RRBP1: variants seen among roughly 807,000 people sequenced by gnomAD.
The protein encoded by RRBP1 is ribosome-binding protein 1.
Under a neutral mutation model 165.2 loss-of-function variants are expected in RRBP1, and 94 were observed. The ratio of observed to expected loss-of-function variants is 0.57; its 90% CI spans 0.48 to 0.68. RRBP1 has a LOEUF of 0.68. Ranked by LOEUF, RRBP1 falls within the 30% of genes least tolerant of loss-of-function variation. The pLI is 0.00. For synonymous variants in RRBP1, 680 were observed against 714.5 expected (o/e 0.95, Z 0.77); for missense variants, 1,676 against 1,763.0 (o/e 0.95, Z 0.88).
At chr20:17,674,229 C>T (rs1436795967) in intron 2 of RRBP1, among the ~76,000 whole-genome samples, 1 of 152,130 alleles carries the variant, frequency 6.6e-6, no homozygotes, top group Non-Finnish European at 1.5e-5. Flanking sequence ...CTCTTCTTCA[C>T]CTAAAATCAA....
chr20:17,657,851 A>G (rs368262155), intron 3 of RRBP1, among the ~76,000 whole-genome samples: 37 of 152,340 alleles, frequency 2.4e-4, no homozygotes, highest in African/African-American at 8.9e-4. Flanking sequence ...AGAAGGCAGA[A>G]GAGGAAAGAA....
intron 2 of RRBP1, 128 bp from the exon 3 acceptor site, chr20:17,660,656 C>T: frequency 1.6e-6 from 1 of 634,862 alleles, no homozygotes; most frequent in Non-Finnish European, 2.7e-6. Context: ...AGAGAAGAAA[C>T]AAACCCAGGC....
intron 7 of RRBP1, 68 bp downstream of exon 7, chr20:17,635,478 C>A: frequency 2.5e-6 from 3 of 1,204,976 alleles, no homozygotes; most frequent in Non-Finnish European, 3.5e-6. Flanking sequence ...GCCCTGGCCG[C>A]AGCCTCGTGA....
At chr20:17,614,932 AC>A in intron 23 of RRBP1, 52 bp from the exon 24 acceptor site, 10 of 1,596,414 alleles carry the variant, frequency 6.3e-6, no homozygotes, top group Non-Finnish European at 8.5e-6. Flanking sequence ...CAGGAGGGCC[AC>A]CCCAGCTATG....
At chr20:17,615,367 C>T in intron 23 of RRBP1, 64 bp downstream of exon 23, 5 of 1,360,658 alleles carry the variant, frequency 3.7e-6, no homozygotes, top group Non-Finnish European at 4.0e-6. Flanking sequence ...TTTCCGAGGC[C>T]AAGAGTGGCG....
chr20:17,630,328 G>A (rs1000549038), intron 8 of RRBP1, among the ~76,000 whole-genome samples: 1 of 152,192 alleles, frequency 6.6e-6, no homozygotes, highest in Admixed American at 6.5e-5. Context: ...TCCCAGGGGC[G>A]GACAGCTTGG....
Position 17,641,734 on chromosome 20 carries a change from TGGGGCGGGGGTCCTCTGAGGAC to T in RRBP1, c.2184+41_2184+62del, listed in dbSNP as rs1197907255. ...CTCGGAGCCCGGGATCCACCGTGGA[TGGGGCGGGGGTCCTCTGAGGAC>T]GGGAGAGGACAAACCATCTCCGAGC... On this transcript the variant is annotated intron_variant, in intron 5 of 24. Transcript: ENST00000377813. 2.5e-6 allele frequency: 4 copies of T among 1,592,302 alleles called. No homozygotes were observed. In the South Asian group the frequency reaches 4.4e-5, roughly 18 times the overall value.
intron 3 of RRBP1, among the ~76,000 whole-genome samples, chr20:17,655,795 T>G (rs1361284478): frequency 6.6e-6 from 1 of 152,244 alleles, no homozygotes; most frequent in Non-Finnish European, 1.5e-5. Flanking sequence ...ACATTATATA[T>G]TTATATTAAC....
Position 17,619,669 on chromosome 20 carries a change from G to C in RRBP1, c.3639C>G (p.Ser1213Arg). 1 of 1,612,784 alleles carries C rather than the reference G, an allele frequency of 6.2e-7. No individual in the cohort carries two copies. Among genetic ancestry groups the C allele is most frequent in the Non-Finnish European group, 8.5e-7 (1 of 1,179,778 alleles). The change falls in exon 19 of 25, where the codon AGC (serine) becomes AGG (arginine). Residue 1213 changes from serine to arginine, a missense_variant. Physicochemically the swap from Ser to Arg is moderately radical, Grantham distance 110. Transcript: ENST00000377813. ...AELEKHMAAA[S>R]AECQNYAKEV... The stretch of plus-strand genomic sequence containing the variant: ...CCTTGGCGTAGTTCTGGCACTCGGC[G>C]CTGGCGGCCGCCATGTGCTTTTCCA...
At chr20:17,667,342 T>G (rs1296753900) in intron 2 of RRBP1, among the ~76,000 whole-genome samples, 1 of 152,262 alleles carries the variant, frequency 6.6e-6, no homozygotes, top group Non-Finnish European at 1.5e-5. Flanking sequence ...TAGGACCAGC[T>G]GCTGGCTTTC....
At position 17,621,529 on chromosome 20, in the gene RRBP1, T is replaced by A. The variant is rs1568754633; in HGVS notation, c.3343A>T (p.Arg1115Trp). The stretch of plus-strand genomic sequence containing the variant: ...GTGCTCTGCGTCTCCTCGGCCTCCC[T>A]CAACTTGGAGGCCAGGTCCTGAGAG... ...EPSSDLASKL[R>W]EAEETQSTLQ... The change falls in exon 16 of 25, where the codon AGG (arginine) becomes TGG (tryptophan). Residue 1115 changes from arginine (R) to tryptophan (W), a missense_variant. Arg to Trp is a moderately radical substitution (Grantham distance 101, BLOSUM62 -3). This residue lies in a region of RRBP1 where 1,184 missense variants were observed against 1,167.1 expected (regional missense o/e 1.01). Coordinates refer to ENST00000377813, the MANE Select transcript of RRBP1 (RefSeq NM_001365613.2). 6.2e-7 allele frequency: 1 copy of A among 1,612,542 alleles called. No homozygotes were observed. The highest frequency in any genetic ancestry group is 8.5e-7 in the Non-Finnish European group (1 of 1,179,584).
chr20:17,627,542 G>C lies in RRBP1; in HGVS notation c.2890C>G (p.Leu964Val). 1 of 1,612,976 alleles carries C rather than the reference G, an allele frequency of 6.2e-7. No homozygotes were observed. Among genetic ancestry groups the C allele is most frequent in the Non-Finnish European group, 8.5e-7 (1 of 1,179,616 alleles). ...GCATCCCGCGCCTGGCCCGCCTCCA[G>C]CAGGGCCTCAATGGAACGGATTCTC... ...TERIRSIEAL[L>V]EAGQARDAQD... is the part of the protein sequence containing the mutation. The change falls in exon 10 of 25, where the codon CTG (leucine) becomes GTG (valine). Residue 964 changes from leucine to valine, a missense_variant. Coordinates refer to ENST00000377813, the MANE Select transcript of RRBP1 (RefSeq NM_001365613.2).
intron 12 of RRBP1, among the ~76,000 whole-genome samples, chr20:17,625,158 G>T (rs1306895357): frequency 6.6e-6 from 1 of 152,178 alleles, no homozygotes; most frequent in African/African-American, 2.4e-5. Flanking sequence ...AGGACAGCAG[G>T]CATGCCACCT....
At chr20:17,619,499 G>A (rs6599) in intron 19 of RRBP1, 134 bp downstream of exon 19, 394,574 of 589,886 alleles carry the variant, frequency 0.67, 142,641 homozygotes, top group Middle Eastern at 0.76. Context: ...GTGAGGCTTC[G>A]GGCAAACGCC....
intron 20 of RRBP1, among the ~76,000 whole-genome samples, chr20:17,617,477 G>A (rs559776033): frequency 5.8e-4 from 88 of 152,358 alleles, no homozygotes; most frequent in African/African-American, 1.9e-3. Flanking sequence ...CCCCAGGTAC[G>A]TGGGAACCCC....
chr20:17,633,563 T>C lies in RRBP1; in HGVS notation c.2507A>G (p.Lys836Arg), dbSNP rs2036193609. 6.2e-7 allele frequency: 1 copy of C among 1,613,906 alleles called. No individual in the cohort carries two copies. Among genetic ancestry groups the C allele is most frequent in the East Asian group, 2.2e-5 (1 of 44,890 alleles). ...AGCCTCTGACTTCTCCACCAGCTCTTTGCTGACCTTGCTGAGCTCCTGCCG... is the reference window on the plus strand; with the variant it reads ...AGCCTCTGACTTCTCCACCAGCTCTCTGCTGACCTTGCTGAGCTCCTGCCG... ...KLRQELSKVS[K>R]ELVEKSEAVR... Residue 836 changes from lysine (K) to arginine (R), a missense_variant, in exon 8 of 25, where the codon AAA becomes AGA. By Grantham distance (26) the Lys-to-Arg change is conservative. Coordinates refer to ENST00000377813, the MANE Select transcript of RRBP1 (RefSeq NM_001365613.2).
Position 17,636,568 on chromosome 20 carries a change from T to C in RRBP1, c.2337+9A>G, listed in dbSNP as rs1468278150. 6.2e-7 allele frequency: 1 copy of C among 1,610,344 alleles called. No homozygotes were observed. Among genetic ancestry groups the C allele is most frequent in the South Asian group, 1.1e-5 (1 of 91,042 alleles). On this transcript the variant is annotated intron_variant, in intron 6 of 24. Coordinates refer to ENST00000377813, the MANE Select transcript of RRBP1 (RefSeq NM_001365613.2). ...CCCTTCCCATGCCCCCGCCAGCCAC[T>C]ACACCCACCTTGCCCTGCAGCTGCT... is the stretch of plus-strand genomic sequence containing the variant.
intron 3 of RRBP1, among the ~76,000 whole-genome samples, chr20:17,654,214 T>G (rs963359820): frequency 2.0e-5 from 3 of 152,156 alleles, no homozygotes; most frequent in Non-Finnish European, 2.9e-5. Flanking sequence ...AGAGCCTTTG[T>G]CATTCCAGGA....
At chr20:17,656,110 T>C (rs1228455506) in intron 3 of RRBP1, among the ~76,000 whole-genome samples, 5 of 152,224 alleles carry the variant, frequency 3.3e-5, no homozygotes, top group Non-Finnish European at 5.9e-5. Context: ...GAAGATGCCT[T>C]TGTACATCAA....
Sources: allele counts gnomAD v4.1 joint callset (sites outside exome capture counted in the v4.1 genomes callset), GRCh38; gene constraint gnomAD v4.1.1; regional missense constraint gnomAD v4.1.1; transcripts MANE v1.5; gene names NCBI Gene and HGNC (gene_info 2026-07-23, HGNC 2026-07-21).